Variants in TCF7L1 observed in about 807,000 individuals in gnomAD.
TCF7L1 encodes transcription factor 7-like 1.
In TCF7L1, 18 loss-of-function variants were observed where a neutral mutation model predicts 63.7. The ratio of observed to expected loss-of-function variants is 0.28; its 90% CI spans 0.20 to 0.42. The LOEUF is 0.42. TCF7L1 is among the 10% of genes least tolerant of loss of function. TCF7L1 has a pLI of 1.00. For synonymous variants in TCF7L1, 355 were observed against 340.9 expected, an observed-to-expected ratio of 1.04 and a Z score of -0.46; for missense variants, 654 against 779.3, an observed-to-expected ratio of 0.84 and a Z score of 1.91.
intron 3 of TCF7L1, among the ~76,000 whole-genome samples, chr2:85,230,036 T>A (rs1680042084): frequency 6.6e-6 from 1 of 152,212 alleles, no homozygotes; most frequent in African/African-American, 2.4e-5. Flanking sequence ...GTTGGTCCAC[T>A]TTCTGCCAGA....
intron 3 of TCF7L1, among the ~76,000 whole-genome samples, chr2:85,139,516 T>A (rs1248895421): frequency 6.6e-6 from 1 of 152,218 alleles, no homozygotes; most frequent in Non-Finnish European, 1.5e-5. Context: ...AGAAGCATTT[T>A]CATAATAGAA....
At chr2:85,218,699 G>A (rs886968831) in intron 3 of TCF7L1, among the ~76,000 whole-genome samples, 2 of 152,048 alleles carry the variant, frequency 1.3e-5, no homozygotes, top group Admixed American at 1.3e-4. Flanking sequence ...TTTCCTCTAG[G>A]AGAGGTCCTT....
intron 3 of TCF7L1, among the ~76,000 whole-genome samples, chr2:85,201,416 A>T (rs985672213): frequency 6.6e-6 from 1 of 152,212 alleles, no homozygotes; most frequent in South Asian, 2.1e-4. Context: ...GATAAAATAG[A>T]CTAGTATCTA....
chr2:85,293,867 A>G (rs1258176499), intron 4 of TCF7L1, among the ~76,000 whole-genome samples: 1 of 152,052 alleles, frequency 6.6e-6, no homozygotes, highest in African/African-American at 2.4e-5. Context: ...GAAGGACCCT[A>G]CCAATACTGT....
chr2:85,246,992 G>C (rs1680481593), intron 3 of TCF7L1, among the ~76,000 whole-genome samples: 1 of 152,166 alleles, frequency 6.6e-6, no homozygotes, highest in African/African-American at 2.4e-5. Context: ...GGTTTTAGCA[G>C]CTCTTTCCTT....
intron 3 of TCF7L1, among the ~76,000 whole-genome samples, chr2:85,212,641 G>T (rs1486792874): frequency 6.6e-6 from 1 of 152,174 alleles, no homozygotes; most frequent in Admixed American, 6.5e-5. Flanking sequence ...GAGGTGGAAA[G>T]TGTGCACCGT....
At chr2:85,227,712 T>C (rs1458782226) in intron 3 of TCF7L1, among the ~76,000 whole-genome samples, 2 of 152,262 alleles carry the variant, frequency 1.3e-5, no homozygotes, top group East Asian at 3.9e-4. Context: ...CTCTGGATTC[T>C]GGGCTGGGCA....
In TCF7L1 at chr2:85,216,151, G is replaced by A. The variant is rs531253574; in HGVS notation, c.442-67344G>A. 5.3e-5 allele frequency among the ~76,000 whole-genome samples: 8 copies of A among 152,180 alleles called. No homozygotes were observed. The South Asian group carries it at 6.2e-4, about 12-fold the overall frequency. On this transcript the variant is annotated intron_variant, in intron 3 of 11. Transcript: ENST00000282111. ...GTGGGGAGCCCGGCTGCCCTTCTCC[G>A]AGAAAGGGAATGCAGATTTTATTCA...
intron 4 of TCF7L1, among the ~76,000 whole-genome samples, chr2:85,284,249 A>G (rs1264660420): frequency 1.3e-5 from 2 of 152,118 alleles, no homozygotes; most frequent in Non-Finnish European, 2.9e-5. Flanking sequence ...TGACCTCGTG[A>G]TCCGCCAGCC....
intron 4 of TCF7L1, among the ~76,000 whole-genome samples, chr2:85,283,883 G>T (rs987876358): frequency 6.6e-6 from 1 of 152,220 alleles, no homozygotes; most frequent in African/African-American, 2.4e-5. Flanking sequence ...ATCTGAACCC[G>T]CTGCCCACTT....
chr2:85,242,754 T>G (rs1017261801), intron 3 of TCF7L1, among the ~76,000 whole-genome samples: 4 of 152,240 alleles, frequency 2.6e-5, no homozygotes, highest in African/African-American at 9.6e-5. Context: ...TCCTCCTGTT[T>G]CTTCTCTTTG....
chr2:85,168,359 A>G (rs984555492), intron 3 of TCF7L1, among the ~76,000 whole-genome samples: 2 of 152,176 alleles, frequency 1.3e-5, no homozygotes, highest in Non-Finnish European at 2.9e-5. Flanking sequence ...TGGTATATCA[A>G]TCATACCTCA....
intron 4 of TCF7L1, among the ~76,000 whole-genome samples, chr2:85,285,727 T>A (rs555475481): frequency 2.0e-4 from 31 of 152,184 alleles, no homozygotes; most frequent in African/African-American, 6.7e-4. Flanking sequence ...GCCCTGCACC[T>A]CCCCCCAGTG....
chr2:85,143,652 C>G (rs1420032542), intron 3 of TCF7L1, among the ~76,000 whole-genome samples: 1 of 152,126 alleles, frequency 6.6e-6, no homozygotes, highest in Admixed American at 6.5e-5. Flanking sequence ...GTTGTGAGTC[C>G]AAAGTCTAGG....
At chr2:85,279,039 G>A (rs1395010079) in intron 3 of TCF7L1, among the ~76,000 whole-genome samples, 2 of 152,144 alleles carry the variant, frequency 1.3e-5, no homozygotes, top group African/African-American at 4.8e-5. Flanking sequence ...TCTTCGCTGT[G>A]GGCTGAAGCC....
intron 3 of TCF7L1, among the ~76,000 whole-genome samples, chr2:85,167,591 G>A (rs534467489): frequency 6.6e-6 from 1 of 152,252 alleles, no homozygotes; most frequent in African/African-American, 2.4e-5. Context: ...AGCCAGGCAT[G>A]GTGGTTCATG....
chr2:85,192,929 TC>T (rs369500222), intron 3 of TCF7L1, among the ~76,000 whole-genome samples: 1,963 of 152,124 alleles, frequency 0.013, 22 homozygotes, highest in Non-Finnish European at 0.018. Flanking sequence ...CCTCAAGCAA[TC>T]CTCCCACCTC....
intron 4 of TCF7L1, among the ~76,000 whole-genome samples, chr2:85,298,699 GGC>G (rs141519198): frequency 0.11 from 16,397 of 151,976 alleles, 1,032 homozygotes; most frequent in South Asian, 0.2. Flanking sequence ...TCAGCTTCCT[GGC>G]CATGCACACC....
At chr2:85,222,662 C>G (rs1345642719) in intron 3 of TCF7L1, among the ~76,000 whole-genome samples, 1 of 121,156 alleles carries the variant, frequency 8.3e-6, no homozygotes, top group Non-Finnish European at 1.6e-5. Context: ...AGAGTGAGAC[C>G]CCATCTCAAA....
Sources: gnomAD v4.1 joint callset for allele counts (sites outside exome capture counted in the v4.1 genomes callset) on GRCh38, gnomAD v4.1.1 for gene constraint, MANE v1.5 for transcripts, NCBI Gene and HGNC (gene_info 2026-07-23, HGNC 2026-07-21) for gene names.